ANKS1B: variants seen among roughly 807,000 people sequenced by gnomAD.
ANKS1B encodes the protein ankyrin repeat and sterile alpha motif domain-containing protein 1B.
In ANKS1B, 36 loss-of-function variants were observed where a neutral mutation model predicts 148.3. That is an observed-to-expected ratio of 0.24 (90% CI 0.19 to 0.32). ANKS1B has a LOEUF of 0.32. Among genes scored for constraint, ANKS1B ranks in the 10% least tolerant of loss-of-function variants. The pLI, the probability that ANKS1B is intolerant of heterozygous loss-of-function variation, is 1.00. For synonymous variants in ANKS1B, 542 were observed against 560.8 expected, an observed-to-expected ratio of 0.97 and a Z score of 0.47; for missense variants, 1,157 against 1,542.6, an observed-to-expected ratio of 0.75 and a Z score of 4.19.
intron 22 of ANKS1B, chr12:98,794,749 A>C: frequency 9.1e-7 from 1 of 1,099,538 alleles, no homozygotes; most frequent in South Asian, 1.2e-5. Flanking sequence ...TATGGAATAA[A>C]ACTACTGATG....
Position 99,770,019 on chromosome 12 carries a change from C to T in ANKS1B, c.1128+2903G>A, listed in dbSNP as rs1342678710. The stretch of plus-strand genomic sequence containing the variant: ...ACTTCAATGAGTATCTGTAAATATT[C>T]ACTGGTCTCTCCCTTTTAAAAATTC... On this transcript the variant is annotated intron_variant, in intron 8 of 26. Transcript: ENST00000683438. Among the ~76,000 whole-genome samples the T allele has an allele frequency of 2.0e-5, 3 of 152,180 alleles. No individual in the cohort carries two copies. In the East Asian group the frequency reaches 5.8e-4, roughly 29 times the overall value.
At chr12:98,795,946 G>A (rs1037110783) in intron 22 of ANKS1B, among the ~76,000 whole-genome samples, 2 of 152,206 alleles carry the variant, frequency 1.3e-5, no homozygotes, top group East Asian at 1.9e-4. Flanking sequence ...GTTGTGCAGG[G>A]CAGGGTGTAC....
chr12:99,699,806 A>C (rs2054527511), intron 8 of ANKS1B, among the ~76,000 whole-genome samples: 1 of 152,218 alleles, frequency 6.6e-6, no homozygotes, highest in Non-Finnish European at 1.5e-5. Context: ...GCACTGATAA[A>C]TGTAACCTGA....
chr12:99,236,235 T>C (rs931302604), intron 14 of ANKS1B, among the ~76,000 whole-genome samples: 2 of 152,234 alleles, frequency 1.3e-5, no homozygotes, highest in African/African-American at 4.8e-5. Flanking sequence ...TATAGGATCA[T>C]GCCATCTGCA....
intron 12 of ANKS1B, among the ~76,000 whole-genome samples, chr12:99,353,393 T>C (rs1481132994): frequency 6.6e-6 from 1 of 152,032 alleles, no homozygotes; most frequent in African/African-American, 2.4e-5. Flanking sequence ...GCTATTACTA[T>C]CATCATCTTG....
intron 8 of ANKS1B, among the ~76,000 whole-genome samples, chr12:99,685,728 ATG>A (rs898434491): frequency 1.5e-4 from 22 of 150,630 alleles, no homozygotes; most frequent in Middle Eastern, 3.4e-3. Context: ...GGGTGTGTTT[ATG>A]TGTGTGTGTG....
At chr12:98,890,014 G>A (rs1020435543) in intron 17 of ANKS1B, among the ~76,000 whole-genome samples, 1 of 152,138 alleles carries the variant, frequency 6.6e-6, no homozygotes, top group African/African-American at 2.4e-5. Flanking sequence ...CGAACGAGAG[G>A]AAAGAAGAAA....
At chr12:99,260,667 T>C (rs2075829356) in intron 12 of ANKS1B, among the ~76,000 whole-genome samples, 1 of 152,214 alleles carries the variant, frequency 6.6e-6, no homozygotes, top group South Asian at 2.1e-4. Context: ...GCTATAGCCA[T>C]GGCAACAATG....
chr12:99,947,101 C>T (rs1264896679), intron 1 of ANKS1B, among the ~76,000 whole-genome samples: 1 of 152,024 alleles, frequency 6.6e-6, no homozygotes, highest in Non-Finnish European at 1.5e-5. Context: ...TTAAGTTGTA[C>T]TGCTCCAAAG....
At chr12:98,990,737 A>G (rs1304308739) in intron 17 of ANKS1B, among the ~76,000 whole-genome samples, 1 of 152,210 alleles carries the variant, frequency 6.6e-6, no homozygotes, top group Non-Finnish European at 1.5e-5. Flanking sequence ...GTTTACTCCA[A>G]ATTAGGGCAG....
chr12:99,509,203 C>A (rs1188508646), intron 9 of ANKS1B, among the ~76,000 whole-genome samples: 1 of 151,766 alleles, frequency 6.6e-6, no homozygotes, highest in Non-Finnish European at 1.5e-5. Context: ...TGAGACACAA[C>A]AATATTGAAA....
At chr12:99,855,335 A>G (rs577050395) in intron 1 of ANKS1B, among the ~76,000 whole-genome samples, 2 of 152,262 alleles carry the variant, frequency 1.3e-5, no homozygotes, top group South Asian at 4.1e-4. Context: ...TATATTGATA[A>G]AAGAACTAGT....
chr12:99,653,956 A>G (rs1040597643), intron 9 of ANKS1B, among the ~76,000 whole-genome samples: 5 of 152,110 alleles, frequency 3.3e-5, no homozygotes, highest in Admixed American at 6.6e-5. Context: ...GAGATACCAC[A>G]TCGAACCCAT....
At chr12:99,852,380 G>A (rs1194488496) in intron 1 of ANKS1B, among the ~76,000 whole-genome samples, 1 of 152,142 alleles carries the variant, frequency 6.6e-6, no homozygotes, top group Non-Finnish European at 1.5e-5. Context: ...CTGTATACCA[G>A]ATACTATGTT....
chr12:99,815,446 T>C (rs1455924601), intron 2 of ANKS1B, among the ~76,000 whole-genome samples: 1 of 151,852 alleles, frequency 6.6e-6, no homozygotes, highest in Admixed American at 6.6e-5. Context: ...AATGTATTTA[T>C]TTTAATAAAT....
chr12:99,833,959 T>C (rs895323247), intron 1 of ANKS1B, among the ~76,000 whole-genome samples: 1 of 152,124 alleles, frequency 6.6e-6, no homozygotes, highest in African/African-American at 2.4e-5. Flanking sequence ...AGTTAGCATA[T>C]ATCTAAATAT....
chr12:99,818,448 A>T (rs2082133147), intron 2 of ANKS1B, among the ~76,000 whole-genome samples: 1 of 151,872 alleles, frequency 6.6e-6, no homozygotes, highest in Non-Finnish European at 1.5e-5. Flanking sequence ...TGAAAAATTA[A>T]TGTTAAAAAA....
At position 99,984,201 on chromosome 12, in the gene ANKS1B, T is replaced by G. The variant is rs1352084121; in HGVS notation, c.37A>C (p.Thr13Pro). The change falls in exon 1 of 27, where the codon ACT (threonine) becomes CCT (proline). Residue 13 changes from threonine to proline, a missense_variant. Coordinates refer to ENST00000683438, the MANE Select transcript of ANKS1B (RefSeq NM_001352186.2). ...TTCTCCACCAGAGCCACATTTCCAG[T>G]GCGAGCAGCTTCCAGCAGCTCCTGG... ...KDQELLEAAR[T>P]GNVALVEKLL... 1 of 1,613,830 alleles carries G rather than the reference T, an allele frequency of 6.2e-7. No homozygotes were observed. Among genetic ancestry groups the G allele is most frequent in the Non-Finnish European group, 8.5e-7 (1 of 1,179,818 alleles).
At chr12:98,937,468 T>C (rs762350646) in intron 17 of ANKS1B, among the ~76,000 whole-genome samples, 2 of 152,092 alleles carry the variant, frequency 1.3e-5, no homozygotes, top group Non-Finnish European at 2.9e-5. Context: ...AACATACTAG[T>C]ATGTTTTGTA....
Sources: allele counts gnomAD v4.1 joint callset (sites outside exome capture counted in the v4.1 genomes callset), GRCh38; gene constraint gnomAD v4.1.1; transcripts MANE v1.5; gene names NCBI Gene and HGNC (gene_info 2026-07-23, HGNC 2026-07-21).